Variants in ERAP1 observed in about 807,000 individuals in gnomAD.
ERAP1 encodes adipocyte-derived leucine aminopeptidase.
ERAP1 carries 86 observed loss-of-function variants against 103.7 expected under a neutral mutation model. The observed-to-expected ratio is 0.83, with a 90% CI of 0.70 to 0.99. ERAP1 has a LOEUF of 0.99. Ranked by LOEUF, ERAP1 falls within the 50% of genes least tolerant of loss-of-function variation. The pLI is 0.00. For synonymous variants in ERAP1, 398 were observed against 402.4 expected, an observed-to-expected ratio of 0.99 and a Z score of 0.13; for missense variants, 1,009 against 1,128.4, an observed-to-expected ratio of 0.89 and a Z score of 1.52.
the ERAP1 span, among the ~76,000 whole-genome samples, chr5:96,865,252 C>G: frequency 2.6e-5 from 4 of 152,168 alleles, no homozygotes; most frequent in African/African-American, 9.6e-5. Flanking sequence ...TAGTCAAGAC[C>G]TGCAACTTAT....
At chr5:96,900,115 T>G in the ERAP1 span, 1 of 1,613,772 alleles carries the variant, frequency 6.2e-7, no homozygotes, top group Non-Finnish European at 8.5e-7. Context: ...TGTTCTTGTT[T>G]TGTAGAGTTG....
the ERAP1 span, among the ~76,000 whole-genome samples, chr5:96,890,409 T>C: frequency 2.4e-4 from 37 of 152,314 alleles, no homozygotes; most frequent in African/African-American, 8.2e-4. Flanking sequence ...GCTCAGGCAG[T>C]CATGCTCTCT....
chr5:96,815,481 G>A, the ERAP1 span, among the ~76,000 whole-genome samples: 7 of 142,898 alleles, frequency 4.9e-5, no homozygotes, highest in Admixed American at 5.2e-4. Flanking sequence ...GTGTGATCTC[G>A]GCTCACAGCA....
intron 1 of ERAP1, among the ~76,000 whole-genome samples, chr5:96,805,151 C>T (rs1778433277): frequency 6.6e-6 from 1 of 151,872 alleles, no homozygotes; most frequent in Admixed American, 6.6e-5. Flanking sequence ...AATGTGGATC[C>T]CTCAAAGTGT....
chr5:96,910,239 T>C, the ERAP1 span: 1 of 145,274 alleles, frequency 6.9e-6, no homozygotes, highest in Non-Finnish European at 1.5e-5. Flanking sequence ...CACTGCAGTC[T>C]GGGCAACAGA....
chr5:96,898,572 CAAAAAAAA>C, the ERAP1 span, among the ~76,000 whole-genome samples: 18 of 94,452 alleles, frequency 1.9e-4, no homozygotes, highest in African/African-American at 6.4e-4. Flanking sequence ...TACTAAAATA[CAAAAAAAA>C]AAAAAAAAAA....
upstream of ERAP1, chr5:96,808,222 G>GTGTGTGTGTGTGTTGAGA (rs1778903860): frequency 1.8e-6 from 1 of 560,694 alleles, no homozygotes; most frequent in African/African-American, 2.2e-5. Flanking sequence ...GTGTGTGTGT[G>GTGTGTGTGTGTGTTGAGA]TGTGTGTGTG....
rs61745685 is a variant in ERAP1, at chr5:96,781,851, C to T, written c.2289G>A (p.Leu763=). 126,350 of 1,613,482 alleles carry T rather than the reference C, an allele frequency of 0.078. 5,346 individuals carry two copies. Among genetic ancestry groups the T allele is most frequent in the Middle Eastern group, 0.17 (1,058 of 6,058 alleles). ...ACACTGCCAAGGTCACGTCGACAGG[C>T]AGGCTATAGAAAGGAACACACTCGG... The part of the protein sequence containing the change: ...KWKESNGNLS[L]PVDVTLAVFA... Residue 763 remains leucine, a synonymous_variant, in exon 16 of 19, where the codon CTG becomes CTA. Transcript: ENST00000443439.
chr5:96,905,002 C>T, the ERAP1 span, among the ~76,000 whole-genome samples: 1 of 151,850 alleles, frequency 6.6e-6, no homozygotes, highest in Non-Finnish European at 1.5e-5. Context: ...CCTTTTTAAG[C>T]CTAAATTTTC....
chr5:96,906,240 T>C, the ERAP1 span, among the ~76,000 whole-genome samples: 2,333 of 151,734 alleles, frequency 0.015, 61 homozygotes, highest in African/African-American at 0.054. Context: ...CTCCTCTTCC[T>C]CTTCCTCTTC....
At chr5:96,819,981 A>T in the ERAP1 span, among the ~76,000 whole-genome samples, 7 of 152,234 alleles carry the variant, frequency 4.6e-5, no homozygotes, top group Non-Finnish European at 1.0e-4. Flanking sequence ...ACATGAACAG[A>T]TGCAAGAGAA....
chr5:96,882,592 G>C, the ERAP1 span, among the ~76,000 whole-genome samples: 8 of 152,226 alleles, frequency 5.3e-5, no homozygotes, highest in Non-Finnish European at 1.2e-4. Flanking sequence ...TGCATGTAGA[G>C]TTCCAATGAA....
At chr5:96,847,174 G>A in the ERAP1 span, among the ~76,000 whole-genome samples, 1 of 151,466 alleles carries the variant, frequency 6.6e-6, no homozygotes, top group South Asian at 2.1e-4. Context: ...CTTGAACCCG[G>A]GAGGCGGAAG....
chr5:96,857,624 A>G, the ERAP1 span, among the ~76,000 whole-genome samples: 1 of 152,274 alleles, frequency 6.6e-6, no homozygotes, highest in Non-Finnish European at 1.5e-5. Context: ...CGAAGGTTAC[A>G]TAGCCAAGAA....
chr5:96,894,576 A>G, the ERAP1 span, among the ~76,000 whole-genome samples: 2 of 152,244 alleles, frequency 1.3e-5, no homozygotes, highest in African/African-American at 2.4e-5. Flanking sequence ...AGTAATATTT[A>G]AAATGCATAA....
At chr5:96,841,937 C>T in the ERAP1 span, among the ~76,000 whole-genome samples, 4 of 151,902 alleles carry the variant, frequency 2.6e-5, no homozygotes, top group African/African-American at 7.3e-5. Context: ...TCCCTCACTC[C>T]GTCCCACCCT....
At position 96,792,014 on chromosome 5, in the gene ERAP1, A is replaced by G. The variant is rs769809236; in HGVS notation, c.1320+47T>C. 1.9e-6 allele frequency: 3 copies of G among 1,607,012 alleles called. No individual in the cohort carries two copies. The East Asian group carries it at 6.7e-5, about 36-fold the overall frequency. On this transcript the variant is annotated intron_variant, in intron 8 of 18. Transcript: ENST00000443439. ...CTATAACTTCTCCACCCCAGTATGT[A>G]TAACTTTAGTATCTAAACTGTATCC...
the ERAP1 span, chr5:96,901,517 G>T: frequency 3.1e-6 from 5 of 1,613,222 alleles, no homozygotes; most frequent in Non-Finnish European, 4.2e-6. Context: ...TCGCCTTTCT[G>T]GGGGAAAATG....
chr5:96,872,105 A>C, the ERAP1 span, among the ~76,000 whole-genome samples: 1 of 152,288 alleles, frequency 6.6e-6, no homozygotes. Context: ...AATAATTCTT[A>C]GAAGTATTTT....
Sources: allele counts gnomAD v4.1 joint callset (sites outside exome capture counted in the v4.1 genomes callset), GRCh38; gene constraint gnomAD v4.1.1; transcripts MANE v1.5; gene names NCBI Gene and HGNC (gene_info 2026-07-23, HGNC 2026-07-21).